Variants in GIPC2 observed in about 807,000 individuals in gnomAD.
GIPC2 encodes PDZ domain-containing protein GIPC2.
Under a neutral mutation model 30.6 loss-of-function variants are expected in GIPC2, and 30 were observed. The observed-to-expected ratio is 0.98, with a 90% confidence interval of 0.73 to 1.33. The LOEUF (loss-of-function observed/expected upper bound fraction) is 1.33, where lower values mean the gene tolerates loss of function less well. Among genes scored for constraint, GIPC2 ranks in the 40% most tolerant of loss-of-function variants. The probability of loss-of-function intolerance (pLI) is 0.00; values close to 1 mark genes in which losing one functional copy is unlikely to be tolerated. For synonymous variants in GIPC2, 167 were observed against 150.0 expected, an observed-to-expected ratio of 1.11 and a Z score of -0.83; for missense variants, 414 against 390.3, an observed-to-expected ratio of 1.06 and a Z score of -0.51.
At chr1:78,063,899 C>CAAAAA (rs763084989) in intron 1 of GIPC2, among the ~76,000 whole-genome samples, 2 of 63,110 alleles carry the variant, frequency 3.2e-5, no homozygotes. Context: ...CTCAAAAAGA[C>CAAAAA]AAAAAAAAAA....
intron 1 of GIPC2, among the ~76,000 whole-genome samples, chr1:78,052,032 G>A (rs1661207653): frequency 6.6e-6 from 1 of 152,124 alleles, no homozygotes; most frequent in Non-Finnish European, 1.5e-5. Context: ...ACTATGATGG[G>A]CTACGGGCTC....
intron 1 of GIPC2, among the ~76,000 whole-genome samples, chr1:78,056,212 C>T (rs964356965): frequency 2.0e-5 from 3 of 152,172 alleles, no homozygotes; most frequent in Non-Finnish European, 4.4e-5. Context: ...CATGGTGGCT[C>T]ACGCCTGTAA....
intron 3 of GIPC2, among the ~76,000 whole-genome samples, chr1:78,104,183 GA>G (rs1662301542): frequency 8.0e-6 from 1 of 125,276 alleles, no homozygotes; most frequent in Non-Finnish European, 1.6e-5. Context: ...AGAGGGGGGA[GA>G]GGGGGCCGGG....
intron 1 of GIPC2, among the ~76,000 whole-genome samples, chr1:78,061,489 T>C (rs1420311695): frequency 2.0e-5 from 3 of 151,978 alleles, no homozygotes; most frequent in Non-Finnish European, 2.9e-5. Flanking sequence ...AATGGTTTTT[T>C]TTTGTTTGTT....
intron 5 of GIPC2, among the ~76,000 whole-genome samples, chr1:78,133,098 G>A (rs1024188317): frequency 6.6e-6 from 1 of 152,140 alleles, no homozygotes; most frequent in Non-Finnish European, 1.5e-5. Flanking sequence ...AACTGTGCCT[G>A]TGCAAAAAGT....
At chr1:78,095,927 T>C (rs1662129623) in intron 3 of GIPC2, among the ~76,000 whole-genome samples, 1 of 152,214 alleles carries the variant, frequency 6.6e-6, no homozygotes. Flanking sequence ...TTGTCTCTAA[T>C]GCCATTTTCT....
chr1:78,063,467 G>A (rs1187807273), intron 1 of GIPC2, among the ~76,000 whole-genome samples: 3 of 151,472 alleles, frequency 2.0e-5, no homozygotes, highest in African/African-American at 7.3e-5. Context: ...ACTCCAGCCT[G>A]GGCCACAAGA....
rs1341468395 is a variant in GIPC2 at position 78,080,719 on chromosome 1, A to G, written c.285A>G (p.Arg95=). 2 of 1,609,362 alleles carry G rather than the reference A, an allele frequency of 1.2e-6. No homozygotes were observed. Among genetic ancestry groups the G allele is most frequent in the African/African-American group, 2.7e-5 (2 of 74,810 alleles). The stretch of plus-strand genomic sequence containing the variant: ...ACACACCTAAAATTGACATGGAAAG[A>G]CTCTTAGGAGGACAACTAGGACTAG... ...TLNTPKIDME[R]LLGGQLGLED... The change falls in exon 2 of 6, where the codon AGA becomes AGG. Residue 95 remains arginine (R), a synonymous_variant. Coordinates refer to ENST00000370759, the MANE Select transcript of GIPC2 (RefSeq NM_017655.6).
chr1:78,082,184 G>C (rs1031731293), intron 2 of GIPC2, among the ~76,000 whole-genome samples: 1 of 152,132 alleles, frequency 6.6e-6, no homozygotes, highest in African/African-American at 2.4e-5. Flanking sequence ...TAAGTAGCTT[G>C]CCCAAAGTTA....
chr1:78,132,352 A>C (rs532853563), intron 5 of GIPC2, among the ~76,000 whole-genome samples: 40 of 152,310 alleles, frequency 2.6e-4, no homozygotes, highest in South Asian at 1.2e-3. Context: ...GGAGCTGTAT[A>C]ACTAGACTGT....
chr1:78,074,640 G>A (rs1012739324), intron 1 of GIPC2, among the ~76,000 whole-genome samples: 1 of 152,148 alleles, frequency 6.6e-6, no homozygotes, highest in African/African-American at 2.4e-5. Context: ...GTACATAATT[G>A]AAACTAGATC....
chr1:78,050,472 A>G (rs761359098), intron 1 of GIPC2, among the ~76,000 whole-genome samples: 107 of 152,180 alleles, frequency 7.0e-4, no homozygotes, highest in Non-Finnish European at 3.7e-4. Flanking sequence ...ATGGCCAGTT[A>G]TGCAAAAATC....
At chr1:78,089,178 TGA>T (rs1466963922) in intron 2 of GIPC2, 1 of 152,242 alleles carries the variant, frequency 6.6e-6, no homozygotes, top group Admixed American at 6.5e-5. Context: ...CATTCCACGG[TGA>T]GAGAGGCATT....
At chr1:78,055,829 A>G (rs1661285207) in intron 1 of GIPC2, among the ~76,000 whole-genome samples, 1 of 152,170 alleles carries the variant, frequency 6.6e-6, no homozygotes, top group African/African-American at 2.4e-5. Flanking sequence ...CCTGCAGGAG[A>G]GAGCTATGCA....
Position 78,119,421 on chromosome 1 carries a change from G to A in GIPC2, c.636G>A (p.Lys212=). Residue 212 remains lysine (K), a synonymous_variant, in exon 4 of 6, where the codon AAG becomes AAA. Transcript: ENST00000370759. The part of the protein sequence containing the change: ...FEIELRSKAG[K]SSGEKIGCGR... Reference sequence around the variant, plus strand: ...TAGAGCTGAGGTCAAAGGCTGGAAAGTCATCAGGAGAAAAAATTGGTTGTG... The same window carrying A: ...TAGAGCTGAGGTCAAAGGCTGGAAAATCATCAGGAGAAAAAATTGGTTGTG... 6.2e-7 allele frequency: 1 copy of A among 1,611,142 alleles called. No individual in the cohort carries two copies. The highest frequency in any genetic ancestry group is 8.5e-7 in the Non-Finnish European group (1 of 1,177,398).
intron 4 of GIPC2, among the ~76,000 whole-genome samples, chr1:78,123,918 T>G (rs1662733803): frequency 6.6e-6 from 1 of 152,240 alleles, no homozygotes; most frequent in South Asian, 2.1e-4. Context: ...CTGTTATTGT[T>G]TTTAAGGTTT....
At chr1:78,095,657 C>T (rs1023336412) in intron 3 of GIPC2, among the ~76,000 whole-genome samples, 4 of 152,162 alleles carry the variant, frequency 2.6e-5, no homozygotes, top group Non-Finnish European at 4.4e-5. Context: ...TTTGGGGTGA[C>T]ATCTGTACTT....
Position 78,046,029 on chromosome 1 carries a change from C to G in GIPC2, c.-66C>G. 7.1e-7 allele frequency: 1 copy of G among 1,398,722 alleles called. No individual in the cohort carries two copies. The highest frequency in any genetic ancestry group is 9.3e-7 in the Non-Finnish European group (1 of 1,079,006). 86.6% of individuals were successfully genotyped at this position (1,398,722 alleles called of 1,614,324 possible). ...TGCGCGGGGCCCGGGGCGCAAAGTC[C>G]GAGGCGCCGGGGGGAGGAGGCGGCG... On this transcript the variant is annotated 5_prime_UTR_variant, in exon 1 of 6. Transcript: ENST00000370759.
intron 1 of GIPC2, among the ~76,000 whole-genome samples, chr1:78,077,658 A>T (rs933647342): frequency 1.4e-4 from 21 of 152,058 alleles, no homozygotes; most frequent in Admixed American, 3.3e-4. Context: ...GTTATATTTT[A>T]AAAAAAAGTT....
Sources: gnomAD v4.1 joint callset for allele counts (sites outside exome capture counted in the v4.1 genomes callset) on GRCh38, gnomAD v4.1.1 for gene constraint, MANE v1.5 for transcripts, NCBI Gene and HGNC (gene_info 2026-07-23, HGNC 2026-07-21) for gene names.